The following CHST9 variants were observed in gnomAD, a reference collection of about 807,000 sequenced individuals.
The protein encoded by CHST9 is carbohydrate sulfotransferase 9, also known as GalNAc-4-sulfotransferase 2.
In CHST9, 41 loss-of-function variants were observed where a neutral mutation model predicts 44.4. The ratio of observed to expected loss-of-function variants is 0.92; its 90% CI spans 0.72 to 1.20. CHST9 has a LOEUF of 1.20. Among genes scored for constraint, CHST9 ranks in the 50% most tolerant of loss-of-function variants. CHST9 has a pLI of 0.00. For synonymous variants in CHST9, 171 were observed against 178.4 expected, an observed-to-expected ratio of 0.96 and a Z score of 0.33; for missense variants, 504 against 516.5, an observed-to-expected ratio of 0.98 and a Z score of 0.23.
chr18:27,176,691 C>T (rs150036891), intron 1 of CHST9, among the ~76,000 whole-genome samples: 1 of 151,998 alleles, frequency 6.6e-6, no homozygotes, highest in African/African-American at 2.4e-5. Context: ...GAGTGTTCTG[C>T]ATTAAATATA....
At chr18:27,094,004 C>A (rs1308409847) in intron 2 of CHST9, among the ~76,000 whole-genome samples, 1 of 151,874 alleles carries the variant, frequency 6.6e-6, no homozygotes, top group Non-Finnish European at 1.5e-5. Flanking sequence ...AAGTAAAAAA[C>A]CATATAGTGG....
chr18:26,908,565 T>C lies in CHST9; in HGVS notation c.*7694A>G, dbSNP rs2055399240. The C allele has an allele frequency of 6.6e-6, 1 of 152,008 alleles. No individual in the cohort carries two copies. Among genetic ancestry groups the C allele is most frequent in the African/African-American group, 2.4e-5 (1 of 41,396 alleles). The allele number at this position is 152,008 out of a possible 1,614,324, so 9.4% of individuals were successfully genotyped here. Reference sequence around the variant, plus strand: ...AAGAAAAATGCAAAGAGAAAAGAAGTAATTTTTAAATAAATAAATAAAAAA... The same window carrying C: ...AAGAAAAATGCAAAGAGAAAAGAAGCAATTTTTAAATAAATAAATAAAAAA... On this transcript the variant is annotated 3_prime_UTR_variant, in exon 6 of 6. Coordinates refer to ENST00000618847, the MANE Select transcript of CHST9 (RefSeq NM_031422.6).
At chr18:26,957,720 G>A (rs1444286111) in intron 4 of CHST9, among the ~76,000 whole-genome samples, 1 of 152,124 alleles carries the variant, frequency 6.6e-6, no homozygotes, top group African/African-American at 2.4e-5. Flanking sequence ...GATAGCTGTG[G>A]TGTGAGTAGA....
chr18:26,907,431 C>T lies in CHST9; in HGVS notation c.*8828G>A, dbSNP rs920147594. The T allele has an allele frequency of 6.6e-6, 1 of 152,166 alleles. No individual in the cohort carries two copies. Among genetic ancestry groups the T allele is most frequent in the Non-Finnish European group, 1.5e-5 (1 of 68,094 alleles). 9.4% of individuals were successfully genotyped at this position (152,166 alleles called of 1,614,324 possible). A position where few individuals can be genotyped will look rare whatever the true frequency, so the allele number is the denominator to read the frequency against. On this transcript the variant is annotated 3_prime_UTR_variant, in exon 6 of 6. Coordinates refer to ENST00000618847, the MANE Select transcript of CHST9 (RefSeq NM_031422.6). ...CTAGATGAAGCAGTCCCACAAGAAA[C>T]TGGGAATCTGAATCAAAGTTCGTGA...
At chr18:27,041,311 A>G (rs893561273) in intron 3 of CHST9, among the ~76,000 whole-genome samples, 7 of 152,160 alleles carry the variant, frequency 4.6e-5, no homozygotes, top group African/African-American at 1.7e-4. Flanking sequence ...ATGAAAGTGT[A>G]AAGTAATTTT....
At chr18:27,117,547 A>G (rs747956368) in intron 2 of CHST9, among the ~76,000 whole-genome samples, 1 of 152,192 alleles carries the variant, frequency 6.6e-6, no homozygotes, top group Non-Finnish European at 1.5e-5. Flanking sequence ...CTGCTGACTT[A>G]TCCTTCCCTC....
chr18:27,042,591 A>C (rs971871485), intron 3 of CHST9, among the ~76,000 whole-genome samples: 4 of 152,088 alleles, frequency 2.6e-5, no homozygotes, highest in Admixed American at 2.0e-4. Flanking sequence ...TGGGGCCTAA[A>C]GCAAGTAATT....
At chr18:26,995,413 G>A (rs932754128) in intron 4 of CHST9, among the ~76,000 whole-genome samples, 7 of 147,626 alleles carry the variant, frequency 4.7e-5, no homozygotes, top group Non-Finnish European at 1.0e-4. Flanking sequence ...ACTGCAACCC[G>A]GGTGACAGAG....
chr18:27,090,117 G>T (rs917349609), intron 2 of CHST9, among the ~76,000 whole-genome samples: 1 of 152,034 alleles, frequency 6.6e-6, no homozygotes, highest in Non-Finnish European at 1.5e-5. Flanking sequence ...AGTGTTTCCT[G>T]ACTTTTTAAT....
At chr18:27,122,264 G>T (rs2058380641) in intron 2 of CHST9, among the ~76,000 whole-genome samples, 1 of 152,196 alleles carries the variant, frequency 6.6e-6, no homozygotes, top group South Asian at 2.1e-4. Context: ...TTCTGGATTT[G>T]TGTGGGTCTG....
chr18:27,169,750 G>A (rs549427786), intron 1 of CHST9, among the ~76,000 whole-genome samples: 9 of 151,750 alleles, frequency 5.9e-5, no homozygotes, highest in Admixed American at 2.6e-4. Context: ...GGGACTACAG[G>A]CACCCACCAC....
At chr18:27,063,990 A>G (rs541846613) in intron 2 of CHST9, among the ~76,000 whole-genome samples, 32 of 152,242 alleles carry the variant, frequency 2.1e-4, no homozygotes, top group African/African-American at 7.7e-4. Context: ...CAATCCAATT[A>G]TATTTCCAGG....
At chr18:26,929,145 C>CA (rs1247651264) in intron 5 of CHST9, among the ~76,000 whole-genome samples, 1 of 152,140 alleles carries the variant, frequency 6.6e-6, no homozygotes, top group Non-Finnish European at 1.5e-5. Context: ...TGCACACAAA[C>CA]AAGGCTGAGA....
chr18:27,018,506 G>A (rs141469006), intron 4 of CHST9, among the ~76,000 whole-genome samples: 1 of 152,160 alleles, frequency 6.6e-6, no homozygotes, highest in South Asian at 2.1e-4. Context: ...GACAGCCCCA[G>A]TGTGTGCAGA....
intron 4 of CHST9, among the ~76,000 whole-genome samples, chr18:26,961,861 C>T (rs2056404382): frequency 6.6e-6 from 1 of 152,138 alleles, no homozygotes; most frequent in East Asian, 1.9e-4. Context: ...TTAGGACAGG[C>T]GTTCCTTCAT....
intron 2 of CHST9, among the ~76,000 whole-genome samples, chr18:27,088,931 C>T (rs1244064811): frequency 2.0e-5 from 3 of 152,134 alleles, no homozygotes; most frequent in Non-Finnish European, 4.4e-5. Context: ...CCCTTCAGAA[C>T]CTCTGTAAAC....
chr18:27,051,893 C>A (rs2057571342), intron 2 of CHST9, among the ~76,000 whole-genome samples: 1 of 152,148 alleles, frequency 6.6e-6, no homozygotes, highest in Admixed American at 6.5e-5. Flanking sequence ...CAATCAGTCT[C>A]CCTGATTTTC....
At chr18:27,017,826 G>A (rs1355944664) in intron 4 of CHST9, among the ~76,000 whole-genome samples, 1 of 152,056 alleles carries the variant, frequency 6.6e-6, no homozygotes, top group African/African-American at 2.4e-5. Flanking sequence ...CTATTATTTT[G>A]TTTAAAATTG....
intron 1 of CHST9, among the ~76,000 whole-genome samples, chr18:27,181,181 G>A (rs965507088): frequency 3.9e-5 from 6 of 152,114 alleles, no homozygotes; most frequent in African/African-American, 9.7e-5. Context: ...TCCACACAGA[G>A]GTTTTCTAAA....
Sources: gnomAD v4.1 joint callset for allele counts (sites outside exome capture counted in the v4.1 genomes callset) on GRCh38, gnomAD v4.1.1 for gene constraint, MANE v1.5 for transcripts, NCBI Gene and HGNC (gene_info 2026-07-23, HGNC 2026-07-21) for gene names.